Variants in PTPN5 observed in about 807,000 individuals in gnomAD.
PTPN5 encodes tyrosine-protein phosphatase non-receptor type 5.
PTPN5 carries 29 observed loss-of-function variants against 73.9 expected under a neutral mutation model. The ratio of observed to expected loss-of-function variants is 0.39; its 90% CI spans 0.29 to 0.54. PTPN5 has a LOEUF of 0.54. PTPN5 is among the 20% of genes least tolerant of loss of function. The probability of loss-of-function intolerance (pLI) is 0.65; values close to 1 mark genes in which losing one functional copy is unlikely to be tolerated. For synonymous variants in PTPN5, 267 were observed against 304.7 expected (o/e 0.88, Z 1.29); for missense variants, 652 against 751.4 (o/e 0.87, Z 1.55).
chr11:18,749,438 G>A (rs1849782411), intron 3 of PTPN5: 1 of 517,866 alleles, frequency 1.9e-6, no homozygotes, highest in African/African-American at 1.9e-5. Context: ...TCTCAGTAAA[G>A]GGTCACTGCA....
chr11:18,773,403 G>T (rs1477974379), intron 1 of PTPN5, among the ~76,000 whole-genome samples: 1 of 152,132 alleles, frequency 6.6e-6, no homozygotes, highest in African/African-American at 2.4e-5. Flanking sequence ...CCTGGTGTGT[G>T]GGTGGGTGGC....
chr11:18,765,008 G>C (rs1850577798), intron 3 of PTPN5, among the ~76,000 whole-genome samples: 2 of 152,260 alleles, frequency 1.3e-5, no homozygotes, highest in Admixed American at 1.3e-4. Flanking sequence ...CACCGCACCT[G>C]GCCCAAAAGA....
chr11:18,780,807 G>C (rs1851385468), intron 1 of PTPN5, among the ~76,000 whole-genome samples: 1 of 152,150 alleles, frequency 6.6e-6, no homozygotes, highest in South Asian at 2.1e-4. Flanking sequence ...AGAAAGCCCA[G>C]TGCAGAGGAG....
At chr11:18,744,299 G>C (rs1468800703) in intron 3 of PTPN5, 100 bp from the exon 4 acceptor site, 1 of 1,076,638 alleles carries the variant, frequency 9.3e-7, no homozygotes, top group Admixed American at 3.4e-5. Flanking sequence ...CTCAATCTGG[G>C]ATCAGTCAGC....
Position 18,743,351 on chromosome 11 carries a change from G to A in PTPN5, c.370C>T (p.Leu124=), listed in dbSNP as rs1590515801. 5 of 1,614,172 alleles carry A rather than the reference G, an allele frequency of 3.1e-6. No individual in the cohort carries two copies. In the East Asian group the frequency reaches 1.1e-4, roughly 36 times the overall value. The change falls in exon 5 of 15, where the codon CTG becomes TTG. Residue 124 remains leucine, a synonymous_variant. Transcript: ENST00000358540. ...QNATNLVSSL[L]TLLKQLEPTA... Reference sequence around the variant, plus strand: ...GGTTCCAGCTGTTTCAGGAGCGTCAGCAAAGAGGAGACGAGGTTTGTGGCG... The same window carrying A: ...GGTTCCAGCTGTTTCAGGAGCGTCAACAAAGAGGAGACGAGGTTTGTGGCG...
chr11:18,731,475 T>C (rs935219624), intron 12 of PTPN5, among the ~76,000 whole-genome samples: 1 of 152,076 alleles, frequency 6.6e-6, no homozygotes, highest in South Asian at 2.1e-4. Flanking sequence ...TCCCTCAAAC[T>C]CCAAGATGCC....
intron 3 of PTPN5, among the ~76,000 whole-genome samples, chr11:18,759,216 C>G (rs1850283168): frequency 6.6e-6 from 1 of 152,186 alleles, no homozygotes; most frequent in South Asian, 2.1e-4. Flanking sequence ...TATCCTGGAA[C>G]AACCATCACC....
At chr11:18,750,890 T>C (rs1018163838) in intron 3 of PTPN5, among the ~76,000 whole-genome samples, 4 of 152,156 alleles carry the variant, frequency 2.6e-5, no homozygotes, top group African/African-American at 4.8e-5. Context: ...GTCTCCACAG[T>C]CTATGATTTT....
rs956453501 is a variant in PTPN5, at chr11:18,728,074, CAA to C, written c.*858_*859del. ...GTGGCTCCAAGATAATACATGTTGCCAAAGAGTCATGCATGCCCTCCTGATGG... is the reference window on the plus strand; with the variant it reads ...GTGGCTCCAAGATAATACATGTTGCCAGAGTCATGCATGCCCTCCTGATGG... On this transcript the variant is annotated 3_prime_UTR_variant, in exon 15 of 15. Coordinates refer to ENST00000358540, the MANE Select transcript of PTPN5 (RefSeq NM_006906.2). The surrounding 1 kb of genome is among the most constrained non-coding windows in gnomAD (Gnocchi z 4.1). The C allele has an allele frequency of 2.6e-5, 4 of 152,650 alleles. No individual in the cohort carries two copies. The highest frequency in any genetic ancestry group is 9.7e-5 in the African/African-American group (4 of 41,440). The allele number at this position is 152,650 out of a possible 1,614,324, so 9.5% of individuals were successfully genotyped here. A position where few individuals can be genotyped will look rare whatever the true frequency, so the allele number is the denominator to read the frequency against.
intron 3 of PTPN5, among the ~76,000 whole-genome samples, chr11:18,762,553 A>T (rs1361051162): frequency 6.6e-6 from 1 of 152,054 alleles, no homozygotes; most frequent in South Asian, 2.1e-4. Context: ...ATGTCAAACC[A>T]TTCCCCAGTT....
At chr11:18,788,735 G>C (rs934748236) in intron 1 of PTPN5, among the ~76,000 whole-genome samples, 3 of 152,214 alleles carry the variant, frequency 2.0e-5, no homozygotes, top group Admixed American at 1.3e-4. Flanking sequence ...ACAGAACAAA[G>C]AGTTCAGAAT....
chr11:18,754,163 C>A (rs890997841), intron 3 of PTPN5, among the ~76,000 whole-genome samples: 2 of 152,172 alleles, frequency 1.3e-5, no homozygotes, highest in Non-Finnish European at 2.9e-5. Context: ...TGAAAACCAC[C>A]TTTTCCTCTC....
intron 3 of PTPN5, among the ~76,000 whole-genome samples, chr11:18,745,880 A>C (rs1849595926): frequency 6.6e-6 from 1 of 152,072 alleles, no homozygotes; most frequent in Admixed American, 6.6e-5. Flanking sequence ...AATCCAGGGC[A>C]GTCAGATAGG....
In PTPN5 at chr11:18,733,424, C is replaced by T. The variant is rs1426583173; in HGVS notation, c.1081-52G>A. 6.2e-7 allele frequency: 1 copy of T among 1,609,500 alleles called. No homozygotes were observed. Among genetic ancestry groups the T allele is most frequent in the Non-Finnish European group, 8.5e-7 (1 of 1,176,688 alleles). On this transcript the variant is annotated intron_variant, in intron 10 of 14. Transcript: ENST00000358540. This position sits in a 1 kb window ranked among gnomAD's most constrained non-coding sequence, Gnocchi z 4.3. ...AGGGTCAGAGGCAGTGCTCCCAGGA[C>T]CCCATCCCCACACTCAGGCTCTTCA...
chr11:18,757,217 T>A (rs1391420940), intron 3 of PTPN5, among the ~76,000 whole-genome samples: 1 of 152,194 alleles, frequency 6.6e-6, no homozygotes, highest in Non-Finnish European at 1.5e-5. Context: ...TGAATTCTTA[T>A]AACTACCATG....
intron 1 of PTPN5, among the ~76,000 whole-genome samples, chr11:18,788,754 A>C (rs1249351710): frequency 6.6e-6 from 1 of 152,220 alleles, no homozygotes; most frequent in East Asian, 1.9e-4. Context: ...ATCTGGAGTC[A>C]GATCATCTGA....
At chr11:18,757,202 C>T (rs1478728861) in intron 3 of PTPN5, among the ~76,000 whole-genome samples, 1 of 152,188 alleles carries the variant, frequency 6.6e-6, no homozygotes, top group African/African-American at 2.4e-5. Context: ...CATCCATTGT[C>T]TCACTGAATT....
At chr11:18,775,282 A>G (rs1460508186) in intron 1 of PTPN5, among the ~76,000 whole-genome samples, 2 of 152,264 alleles carry the variant, frequency 1.3e-5, no homozygotes, top group African/African-American at 4.8e-5. Context: ...ACAGCATATC[A>G]TGGCAGTTGC....
chr11:18,790,339 G>A (rs1272409280), intron 1 of PTPN5, among the ~76,000 whole-genome samples: 1 of 152,124 alleles, frequency 6.6e-6, no homozygotes, highest in Non-Finnish European at 1.5e-5. Context: ...GCCCTCAAGC[G>A]GGAGGGAAGG....
Sources: allele counts gnomAD v4.1 joint callset (sites outside exome capture counted in the v4.1 genomes callset), GRCh38; gene constraint gnomAD v4.1.1; non-coding constraint Gnocchi (gnomAD v3.1); transcripts MANE v1.5; gene names NCBI Gene and HGNC (gene_info 2026-07-23, HGNC 2026-07-21).